Variants in ZMAT4 observed in about 807,000 individuals in gnomAD.
ZMAT4 encodes zinc finger matrin-type 4.
A neutral mutation model predicts 28.7 loss-of-function variants in ZMAT4; 17 were observed. The ratio of observed to expected loss-of-function variants is 0.59; its 90% CI spans 0.41 to 0.89. The LOEUF is 0.89. ZMAT4 is among the 40% of genes least tolerant of loss of function. ZMAT4 has a pLI of 0.00. For missense variants in ZMAT4, 240 were observed against 283.8 expected, an observed-to-expected ratio of 0.85 and a Z score of 1.11; for synonymous variants, 117 against 109.2, an observed-to-expected ratio of 1.07 and a Z score of -0.44.
chr8:40,775,151 A>C (rs1206886897), intron 2 of ZMAT4, among the ~76,000 whole-genome samples: 3 of 152,224 alleles, frequency 2.0e-5, no homozygotes, highest in Non-Finnish European at 4.4e-5. Flanking sequence ...TCAGTGATTG[A>C]GCATGTGAAG....
intron 6 of ZMAT4, among the ~76,000 whole-genome samples, chr8:40,563,281 A>G (rs964084832): frequency 1.3e-5 from 2 of 152,196 alleles, no homozygotes; most frequent in Admixed American, 1.3e-4. Flanking sequence ...TAAATGGTAT[A>G]TAAAGTCAGT....
intron 3 of ZMAT4, among the ~76,000 whole-genome samples, chr8:40,767,268 T>C (rs894305377): frequency 1.3e-5 from 2 of 152,178 alleles, no homozygotes; most frequent in Non-Finnish European, 2.9e-5. Flanking sequence ...AAATAAAGTA[T>C]GTAGAAAGTG....
intron 4 of ZMAT4, among the ~76,000 whole-genome samples, chr8:40,691,520 T>C (rs1020316169): frequency 6.6e-6 from 1 of 152,136 alleles, no homozygotes; most frequent in Non-Finnish European, 1.5e-5. Context: ...GACTCACATT[T>C]TTCACAATTC....
At chr8:40,719,732 G>A (rs189635634) in intron 3 of ZMAT4, among the ~76,000 whole-genome samples, 3 of 152,206 alleles carry the variant, frequency 2.0e-5, no homozygotes, top group Admixed American at 2.0e-4. Flanking sequence ...ACCACACCCT[G>A]CTAATTTTTG....
intron 5 of ZMAT4, among the ~76,000 whole-genome samples, chr8:40,663,226 C>T (rs577866740): frequency 3.3e-5 from 5 of 152,280 alleles, no homozygotes; most frequent in East Asian, 1.9e-4. Context: ...CTGATCTCTC[C>T]GCTCTAGGGA....
intron 3 of ZMAT4, among the ~76,000 whole-genome samples, chr8:40,762,547 T>C (rs1338619603): frequency 1.3e-5 from 2 of 152,034 alleles, no homozygotes; most frequent in African/African-American, 2.4e-5. Context: ...TCCCACCTAC[T>C]TGGGAGGCTA....
chr8:40,616,335 T>C (rs1563368446), intron 5 of ZMAT4, among the ~76,000 whole-genome samples: 1 of 152,224 alleles, frequency 6.6e-6, no homozygotes, highest in Non-Finnish European at 1.5e-5. Flanking sequence ...TGGTGATTCC[T>C]CAAGGATCTA....
chr8:40,643,009 T>A (rs2118772929), intron 5 of ZMAT4, among the ~76,000 whole-genome samples: 1 of 152,342 alleles, frequency 6.6e-6, no homozygotes, highest in African/African-American at 2.4e-5. Context: ...ACTCTTGGGA[T>A]GAAACTGGAG....
chr8:40,854,275 A>T (rs1191599209), intron 1 of ZMAT4, among the ~76,000 whole-genome samples: 1 of 152,200 alleles, frequency 6.6e-6, no homozygotes, highest in Non-Finnish European at 1.5e-5. Context: ...ATTCTGGATG[A>T]CTTTCCAGTG....
intron 3 of ZMAT4, among the ~76,000 whole-genome samples, chr8:40,705,361 G>T (rs968620078): frequency 6.6e-6 from 1 of 151,946 alleles, no homozygotes; most frequent in African/African-American, 2.4e-5. Flanking sequence ...GCAAAGGTGG[G>T]ATGAGAGGCA....
chr8:40,812,200 AC>A lies in ZMAT4; in HGVS notation c.102+13374del, dbSNP rs1160941226. Among the ~76,000 whole-genome samples the A allele has an allele frequency of 2.0e-5, 3 of 152,176 alleles. No individual in the cohort carries two copies. The East Asian group carries it at 5.8e-4, about 29-fold the overall frequency. ...CTGATGATATCCTCCCAAAGAGTAC[AC>A]AATGGAAAGAGAAGGACTGGAGTGA... is the stretch of plus-strand genomic sequence containing the variant. On this transcript the variant is annotated intron_variant, in intron 2 of 6. Coordinates refer to ENST00000297737, the MANE Select transcript of ZMAT4 (RefSeq NM_024645.3).
At chr8:40,662,428 C>T (rs1030658271) in intron 5 of ZMAT4, among the ~76,000 whole-genome samples, 9 of 152,174 alleles carry the variant, frequency 5.9e-5, no homozygotes, top group Admixed American at 6.5e-5. Context: ...GTTTAAAATC[C>T]GGATAGGTTT....
At chr8:40,764,475 G>C (rs2150558840) in intron 3 of ZMAT4, among the ~76,000 whole-genome samples, 1 of 152,284 alleles carries the variant, frequency 6.6e-6, no homozygotes, top group Admixed American at 6.5e-5. Context: ...TAAATTTCGA[G>C]TTCCTATGAA....
intron 5 of ZMAT4, among the ~76,000 whole-genome samples, chr8:40,644,241 A>G (rs1807194335): frequency 6.6e-6 from 1 of 152,192 alleles, no homozygotes; most frequent in Non-Finnish European, 1.5e-5. Context: ...CTAAGCAAGC[A>G]ACCTAGCACC....
chr8:40,711,032 G>A (rs1300816858), intron 3 of ZMAT4, among the ~76,000 whole-genome samples: 7 of 152,048 alleles, frequency 4.6e-5, no homozygotes, highest in Non-Finnish European at 7.4e-5. Context: ...GATCCACCCA[G>A]TTTGGCCTCC....
intron 3 of ZMAT4, among the ~76,000 whole-genome samples, chr8:40,759,023 G>A (rs138942054): frequency 0.011 from 1,735 of 152,166 alleles, 14 homozygotes; most frequent in Middle Eastern, 0.051. Flanking sequence ...AGTGGATCAC[G>A]CCTGTAATCC....
At chr8:40,779,214 C>T (rs1443704204) in intron 2 of ZMAT4, among the ~76,000 whole-genome samples, 2 of 152,174 alleles carry the variant, frequency 1.3e-5, no homozygotes, top group Non-Finnish European at 2.9e-5. Context: ...CTTTCATTCT[C>T]TCTTGCCTGC....
intron 1 of ZMAT4, among the ~76,000 whole-genome samples, chr8:40,853,696 C>T (rs1026259059): frequency 1.3e-5 from 2 of 152,030 alleles, no homozygotes; most frequent in African/African-American, 4.8e-5. Context: ...TGATTTGGTG[C>T]CATTGTCTTG....
At chr8:40,649,271 A>G (rs1807511456) in intron 5 of ZMAT4, among the ~76,000 whole-genome samples, 1 of 152,156 alleles carries the variant, frequency 6.6e-6, no homozygotes, top group South Asian at 2.1e-4. Flanking sequence ...CAGGGGTTGC[A>G]ATCCTAGTCT....
Sources: allele counts gnomAD v4.1 joint callset (sites outside exome capture counted in the v4.1 genomes callset), GRCh38; gene constraint gnomAD v4.1.1; transcripts MANE v1.5; gene names NCBI Gene and HGNC (gene_info 2026-07-23, HGNC 2026-07-21).